The following SPON1 variants were observed in gnomAD, a reference collection of about 807,000 sequenced individuals.
The protein encoded by SPON1 is spondin 1.
A neutral mutation model predicts 111.7 loss-of-function variants in SPON1; 52 were observed. That is an observed-to-expected ratio of 0.47 (90% confidence interval 0.37 to 0.59). SPON1 has a LOEUF of 0.59. SPON1 is among the 20% of genes least tolerant of loss of function. The pLI, the probability that SPON1 is intolerant of heterozygous loss-of-function variation, is 0.00. For missense variants in SPON1, 957 were observed against 1,068.5 expected (o/e 0.90, Z 1.46); for synonymous variants, 410 against 395.8 (o/e 1.04, Z -0.43).
intron 11 of SPON1, among the ~76,000 whole-genome samples, chr11:14,258,221 G>T (rs1211918814): frequency 6.6e-6 from 1 of 152,184 alleles, no homozygotes; most frequent in Admixed American, 6.5e-5. Flanking sequence ...TTCTTAAGGA[G>T]CCTGTTAACA....
intron 6 of SPON1, among the ~76,000 whole-genome samples, chr11:14,238,703 A>T (rs1198299309): frequency 7.2e-5 from 11 of 152,114 alleles, no homozygotes; most frequent in Non-Finnish European, 1.0e-4. Flanking sequence ...CTGTTAGGGG[A>T]TATGCTCTTC....
intron 6 of SPON1, among the ~76,000 whole-genome samples, chr11:14,200,794 G>A (rs984070249): frequency 3.9e-5 from 5 of 128,344 alleles, no homozygotes; most frequent in African/African-American, 1.5e-4. Context: ...CAGCCTGGGT[G>A]ACAGAGCAAG....
chr11:14,111,929 C>G (rs1296248274), intron 5 of SPON1, among the ~76,000 whole-genome samples: 1 of 151,710 alleles, frequency 6.6e-6, no homozygotes, highest in Non-Finnish European at 1.5e-5. Context: ...AGCACAGAAA[C>G]AAGTCAATAG....
At chr11:13,964,161 T>TGCA (rs1170860007) in intron 1 of SPON1, among the ~76,000 whole-genome samples, 2 of 152,214 alleles carry the variant, frequency 1.3e-5, no homozygotes, top group Non-Finnish European at 1.5e-5. Context: ...CGTTTCCCCG[T>TGCA]GCAGCAGCAG....
At chr11:14,099,988 A>T (rs577783880) in intron 5 of SPON1, among the ~76,000 whole-genome samples, 66 of 152,290 alleles carry the variant, frequency 4.3e-4, no homozygotes, top group African/African-American at 1.5e-3. Flanking sequence ...GCCACTCATG[A>T]GGGATCTCCC....
chr11:14,072,528 A>C (rs1848885008), intron 3 of SPON1, among the ~76,000 whole-genome samples: 1 of 152,086 alleles, frequency 6.6e-6, no homozygotes, highest in Non-Finnish European at 1.5e-5. Context: ...AGGAGGCAGC[A>C]CAGGCAGAGG....
intron 6 of SPON1, among the ~76,000 whole-genome samples, chr11:14,241,190 T>C (rs1848922518): frequency 6.6e-6 from 1 of 152,146 alleles, no homozygotes; most frequent in African/African-American, 2.4e-5. Flanking sequence ...GCTGTTGAAG[T>C]AGACTGTGTT....
chr11:14,113,632 T>C (rs1849244083), intron 5 of SPON1, among the ~76,000 whole-genome samples: 1 of 116,358 alleles, frequency 8.6e-6, no homozygotes, highest in Non-Finnish European at 1.7e-5. Context: ...AGACGGAGTC[T>C]CGCTCTGTCG....
At chr11:14,022,924 A>G (rs1591353754) in intron 2 of SPON1, among the ~76,000 whole-genome samples, 1 of 152,174 alleles carries the variant, frequency 6.6e-6, no homozygotes, top group Non-Finnish European at 1.5e-5. Context: ...CAACTGGAAA[A>G]CCAGCTGCCA....
chr11:14,063,564 C>A (rs1328175217), intron 3 of SPON1, among the ~76,000 whole-genome samples: 1 of 152,178 alleles, frequency 6.6e-6, no homozygotes, highest in Non-Finnish European at 1.5e-5. Flanking sequence ...CCCCAGAACT[C>A]TGTGAGGGTC....
At chr11:14,201,234 G>A (rs1848459173) in intron 6 of SPON1, among the ~76,000 whole-genome samples, 1 of 151,682 alleles carries the variant, frequency 6.6e-6, no homozygotes, top group African/African-American at 2.4e-5. Flanking sequence ...CAGCTACTTG[G>A]GAGGCTGAGG....
rs924541093 is a variant in SPON1 at position 14,250,264 on chromosome 11, G to C, written c.891-4264G>C. On this transcript the variant is annotated intron_variant, in intron 7 of 15. Coordinates refer to ENST00000576479, the MANE Select transcript of SPON1 (RefSeq NM_006108.4). ...TAATTCAATTCTTTTCTTTATAATT[G>C]CTTTTATTGTTTCAAAGTTGAAAAA... Among the ~76,000 whole-genome samples, 13 of 151,418 alleles carry C rather than the reference G, an allele frequency of 8.6e-5. No homozygotes were observed. The South Asian group carries it at 1.0e-3, about 12-fold the overall frequency.
chr11:13,965,807 G>A (rs1406194865), intron 1 of SPON1, among the ~76,000 whole-genome samples: 1 of 152,180 alleles, frequency 6.6e-6, no homozygotes, highest in South Asian at 2.1e-4. Flanking sequence ...TATGTTAAAA[G>A]TAACTCAAAC....
At chr11:14,226,915 T>G (rs1026897758) in intron 6 of SPON1, among the ~76,000 whole-genome samples, 7 of 152,186 alleles carry the variant, frequency 4.6e-5, no homozygotes, top group Non-Finnish European at 8.8e-5. Context: ...CATTCCAATC[T>G]CTGCTTCCAT....
intron 6 of SPON1, among the ~76,000 whole-genome samples, chr11:14,199,760 G>A (rs1487011641): frequency 2.0e-5 from 3 of 152,190 alleles, no homozygotes; most frequent in African/African-American, 4.8e-5. Flanking sequence ...GCTCATGCAC[G>A]GTTCTGAGCA....
At chr11:14,044,574 C>T (rs910190515) in intron 3 of SPON1, among the ~76,000 whole-genome samples, 3 of 152,102 alleles carry the variant, frequency 2.0e-5, no homozygotes, top group Admixed American at 6.6e-5. Flanking sequence ...ACTGTGCCAC[C>T]GCACTCCAGC....
rs76963725 is a variant in SPON1 at position 14,185,416 on chromosome 11, A to G, written c.825+49848A>G. ...TGCCCCCCGCTCCTTTCTCCTAGAG[A>G]GCCTTTCTCATATAGACCTGACCTC... is the stretch of plus-strand genomic sequence containing the variant. On this transcript the variant is annotated intron_variant, in intron 6 of 15. Coordinates refer to ENST00000576479, the MANE Select transcript of SPON1 (RefSeq NM_006108.4). Among the ~76,000 whole-genome samples the G allele has an allele frequency of 2.0e-3, 301 of 152,186 alleles. 3 individuals are homozygous for G. Among genetic ancestry groups the G allele is most frequent in the Admixed American group, 3.6e-3 (55 of 15,296 alleles).
intron 5 of SPON1, among the ~76,000 whole-genome samples, chr11:14,132,410 C>T (rs1003390647): frequency 2.6e-5 from 4 of 152,290 alleles, no homozygotes; most frequent in Admixed American, 6.5e-5. Context: ...ATAGGTCCCA[C>T]GCTTGAGGTG....
At chr11:14,176,665 G>A (rs997324943) in intron 6 of SPON1, among the ~76,000 whole-genome samples, 1 of 152,182 alleles carries the variant, frequency 6.6e-6, no homozygotes, top group African/African-American at 2.4e-5. Context: ...GGACATCTCA[G>A]GACTATTTCT....
Sources: gnomAD v4.1 joint callset for allele counts (sites outside exome capture counted in the v4.1 genomes callset) on GRCh38, gnomAD v4.1.1 for gene constraint, MANE v1.5 for transcripts, NCBI Gene and HGNC (gene_info 2026-07-23, HGNC 2026-07-21) for gene names.